The following PRDX2 variants were observed in gnomAD, a reference collection of about 807,000 sequenced individuals.
The protein encoded by PRDX2 is peroxiredoxin-2.
A neutral mutation model predicts 19.8 loss-of-function variants in PRDX2; 10 were observed. The ratio of observed to expected loss-of-function variants is 0.50; its 90% CI spans 0.31 to 0.86. The LOEUF is 0.86. Among genes scored for constraint, PRDX2 ranks in the 40% least tolerant of loss-of-function variants. PRDX2 has a pLI of 0.04. For missense variants in PRDX2, 226 were observed against 260.1 expected (o/e 0.87, Z 0.90); for synonymous variants, 118 against 108.2 (o/e 1.09, Z -0.56).
intron 5 of PRDX2, 31 bp from the exon 6 acceptor site, chr19:12,797,197 G>A (rs1306471867): frequency 6.3e-7 from 1 of 1,594,716 alleles, no homozygotes. Flanking sequence ...GCACATGAAG[G>A]CTACAGCCCC....
chr19:12,801,059 C>T lies in PRDX2; in HGVS notation c.114G>A (p.Val38=). 3 of 1,610,626 alleles carry T rather than the reference C, an allele frequency of 1.9e-6. No homozygotes were observed. Among genetic ancestry groups the T allele is most frequent in the East Asian group, 2.2e-5 (1 of 44,816 alleles). ...VKLSDYKGKY[V]VLFFYPLDFT... The stretch of plus-strand genomic sequence containing the variant: ...AGTCCAGAGGGTAGAAAAAGAGGAC[C>T]ACGTACTTCCCTGGGGAGGAGGGAC... Residue 38 remains valine, a synonymous_variant, in exon 3 of 6, where the codon GTG becomes GTA. Coordinates refer to ENST00000301522, the MANE Select transcript of PRDX2 (RefSeq NM_005809.6).
chr19:12,800,315 A>G lies in PRDX2; in HGVS notation c.258-16T>C. 6.2e-7 allele frequency: 1 copy of G among 1,607,582 alleles called. No individual in the cohort carries two copies. The highest frequency in any genetic ancestry group is 8.5e-7 in the Non-Finnish European group (1 of 1,176,686). On this transcript the variant is annotated splice_polypyrimidine_tract_variant and intron_variant, in intron 3 of 5. Transcript: ENST00000301522. ...GGTGTTGATCCTGGGAGTAGGGGAGACAGAGTTGGGGCCTCAGGATGCCTG... is the reference window on the plus strand; with the variant it reads ...GGTGTTGATCCTGGGAGTAGGGGAGGCAGAGTTGGGGCCTCAGGATGCCTG...
At chr19:12,797,656 C>CTTTTTTTTTTTTTTTTT (rs1555733212) in intron 5 of PRDX2, among the ~76,000 whole-genome samples, 2 of 113,062 alleles carry the variant, frequency 1.8e-5, no homozygotes, top group African/African-American at 3.6e-5. Flanking sequence ...TTCTTTCTTT[C>CTTTTTTTTTTTTTTTTT]TTTTTTTTTT....
rs771211287 is a variant in PRDX2, at chr19:12,801,238, G to C, written c.24C>G (p.Ile8Met). The C allele has an allele frequency of 1.2e-6, 2 of 1,613,702 alleles. No individual in the cohort carries two copies. The highest frequency in any genetic ancestry group is 1.7e-6 in the Non-Finnish European group (2 of 1,179,874). ...CCTTGAAGTCAGGGGCTGGCTTTCC[G>C]ATGCGCGCGTTACCGGAGGCCATGA... MASGNARIGKPAPDFKAT... is the reference protein window; with the variant it reads MASGNARMGKPAPDFKAT... The change falls in exon 2 of 6, where the codon ATC becomes ATG. Residue 8 changes from isoleucine (I) to methionine (M), a missense_variant. Ile to Met is a conservative substitution (Grantham distance 10). Transcript: ENST00000301522.
chr19:12,800,467 C>G, intron 3 of PRDX2, 168 bp from the exon 4 acceptor site: 1 of 942,718 alleles, frequency 1.1e-6, no homozygotes, highest in African/African-American at 1.7e-5. Flanking sequence ...GGACTGTATC[C>G]CCATGGCTGG....
intron 5 of PRDX2, among the ~76,000 whole-genome samples, chr19:12,798,196 C>T (rs973620352): frequency 2.6e-5 from 4 of 151,728 alleles, no homozygotes; most frequent in Admixed American, 6.6e-5. Context: ...AGGCGCCCGC[C>T]ACCACGCCCG....
At position 12,800,204 on chromosome 19, in the gene PRDX2, A is replaced by G. The variant is rs1469700084; in HGVS notation, c.353T>C (p.Leu118Pro). ...TRRLSEDYGV[L>P]KTDEGIAYRG... is the part of the protein sequence containing the mutation. ...GTAGGCAATGCCCTCATCTGTTTTC[A>G]GCACGCCGTAATCCTCAGACAAGCG... The change falls in exon 4 of 6, where the codon CTG (leucine) becomes CCG (proline). Residue 118 changes from leucine (L) to proline (P), a missense_variant. Transcript: ENST00000301522. The G allele has an allele frequency of 1.2e-6, 2 of 1,613,930 alleles. No homozygotes were observed. Among genetic ancestry groups the G allele is most frequent in the East Asian group, 2.2e-5 (1 of 44,884 alleles).
At chr19:12,801,308 C>G (rs1968893514) in intron 1 of PRDX2, 38 bp from the exon 2 acceptor site, 3 of 1,567,646 alleles carry the variant, frequency 1.9e-6, no homozygotes, top group South Asian at 1.2e-5. Context: ...CGGGAAGACA[C>G]TTTGTCCTCC....
intron 3 of PRDX2, 135 bp from the exon 4 acceptor site, chr19:12,800,434 AC>A: frequency 8.4e-7 from 1 of 1,195,850 alleles, no homozygotes; most frequent in Non-Finnish European, 1.2e-6. Flanking sequence ...AGCCTCACCC[AC>A]CCCACCCTGG....
At chr19:12,800,556 A>G in intron 3 of PRDX2, 1 of 831,108 alleles carries the variant, frequency 1.2e-6, no homozygotes, top group Non-Finnish European at 1.8e-6. Context: ...CCCAGCAGAG[A>G]GCCTGTGTTA....
At chr19:12,798,755 C>T (rs1188587002) in intron 5 of PRDX2, among the ~76,000 whole-genome samples, 1 of 150,614 alleles carries the variant, frequency 6.6e-6, no homozygotes, top group Non-Finnish European at 1.5e-5. Context: ...AATTCCTGGG[C>T]CTAAGCAATC....
At chr19:12,798,965 G>T (rs1010191845) in intron 5 of PRDX2, among the ~76,000 whole-genome samples, 3 of 151,214 alleles carry the variant, frequency 2.0e-5, no homozygotes, top group African/African-American at 7.3e-5. Flanking sequence ...GCAGTGGTGT[G>T]ATCTCGGCTT....
At chr19:12,800,403 G>T in intron 3 of PRDX2, 104 bp from the exon 4 acceptor site, 3 of 1,449,116 alleles carry the variant, frequency 2.1e-6, no homozygotes, top group Non-Finnish European at 2.8e-6. Context: ...GAGATAAGGG[G>T]CTTTAGAGTA....
At chr19:12,797,656 C>CTTTCTTTTTTT (rs1321932913) in intron 5 of PRDX2, among the ~76,000 whole-genome samples, 1,388 of 112,988 alleles carry the variant, frequency 0.012, 18 homozygotes, top group Admixed American at 0.018. Context: ...TTCTTTCTTT[C>CTTTCTTTTTTT]TTTTTTTTTT....
chr19:12,797,628 TTTTTC>T (rs1009984764), intron 5 of PRDX2, among the ~76,000 whole-genome samples: 1 of 150,396 alleles, frequency 6.6e-6, no homozygotes, highest in Non-Finnish European at 1.5e-5. Flanking sequence ...GTATTTTCTC[TTTTTC>T]TTTTCTTCTT....
intron 5 of PRDX2, among the ~76,000 whole-genome samples, chr19:12,798,880 C>T (rs551155124): frequency 5.3e-5 from 8 of 151,824 alleles, no homozygotes; most frequent in Non-Finnish European, 1.0e-4. Flanking sequence ...CTTTGTCCCT[C>T]TGCCCCACCC....
At chr19:12,797,530 C>T (rs1968811842) in intron 5 of PRDX2, among the ~76,000 whole-genome samples, 1 of 151,344 alleles carries the variant, frequency 6.6e-6, no homozygotes, top group Non-Finnish European at 1.5e-5. Context: ...ACGCTTGTCT[C>T]GAACTCCTGA....
intron 5 of PRDX2, among the ~76,000 whole-genome samples, chr19:12,797,569 C>T (rs1968812979): frequency 6.6e-6 from 1 of 152,010 alleles, no homozygotes; most frequent in Non-Finnish European, 1.5e-5. Flanking sequence ...TCTTGGCCTC[C>T]CAAAGTGCTG....
At chr19:12,801,329 T>TG in intron 1 of PRDX2, 59 bp from the exon 2 acceptor site, 4 of 1,521,114 alleles carry the variant, frequency 2.6e-6, no homozygotes, top group Non-Finnish European at 3.6e-6. Flanking sequence ...CAACCCAAGG[T>TG]CGCGCTGCGT....
Sources: allele counts gnomAD v4.1 joint callset (sites outside exome capture counted in the v4.1 genomes callset), GRCh38; gene constraint gnomAD v4.1.1; transcripts MANE v1.5; gene names NCBI Gene and HGNC (gene_info 2026-07-23, HGNC 2026-07-21).